EZR: variants seen among roughly 807,000 people sequenced by gnomAD.
EZR encodes the protein cytovillin 2.
EZR carries 40 observed loss-of-function variants against 74.8 expected under a neutral mutation model. The ratio of observed to expected loss-of-function variants is 0.53; its 90% CI spans 0.42 to 0.70. The LOEUF is 0.70. Among genes scored for constraint, EZR ranks in the 30% least tolerant of loss-of-function variants. The pLI is 0.00. For missense variants in EZR, 678 were observed against 755.8 expected, an observed-to-expected ratio of 0.90 and a Z score of 1.21; for synonymous variants, 341 against 283.3, an observed-to-expected ratio of 1.20 and a Z score of -2.05.
intron 2 of EZR, among the ~76,000 whole-genome samples, chr6:158,802,123 CCTT>C (rs74375307): frequency 0.11 from 16,837 of 152,222 alleles, 943 homozygotes; most frequent in Middle Eastern, 0.15. Flanking sequence ...CCCACCCATT[CCTT>C]CTTGCCAGGT....
At chr6:158,804,077 G>T (rs1164050160) in intron 2 of EZR, among the ~76,000 whole-genome samples, 1 of 152,124 alleles carries the variant, frequency 6.6e-6, no homozygotes, top group Non-Finnish European at 1.5e-5. Flanking sequence ...GCACTGCCGA[G>T]TAACACTGAT....
Position 158,766,599 on chromosome 6 carries a change from A to G in EZR, c.*315T>C. 3.3e-6 allele frequency: 1 copy of G among 307,578 alleles called. No individual in the cohort carries two copies. The highest frequency in any genetic ancestry group is 6.0e-6 in the Non-Finnish European group (1 of 167,420). The allele number at this position is 307,578 out of a possible 1,614,324, so 19.1% of individuals were successfully genotyped here. A position where few individuals can be genotyped will look rare whatever the true frequency, so the allele number is the denominator to read the frequency against. ...AATGATGCTGACTCTTGTATCACAC[A>G]GGCCAGCATGAAGTTTCTTACTCAG... On this transcript the variant is annotated 3_prime_UTR_variant, in exon 14 of 14. Transcript: ENST00000367075.
chr6:158,771,823 A>C (rs1041510086), intron 8 of EZR, among the ~76,000 whole-genome samples: 19 of 152,266 alleles, frequency 1.2e-4, no homozygotes, highest in African/African-American at 3.9e-4. Context: ...GCCACCTTTC[A>C]TGATGTCCTC....
intron 2 of EZR, among the ~76,000 whole-genome samples, chr6:158,792,056 T>A (rs1424923972): frequency 6.6e-6 from 1 of 152,028 alleles, no homozygotes; most frequent in Non-Finnish European, 1.5e-5. Flanking sequence ...GAAGACAGTG[T>A]GAAAATGACA....
intron 2 of EZR, among the ~76,000 whole-genome samples, chr6:158,811,507 T>C: frequency 6.6e-6 from 1 of 152,342 alleles, no homozygotes; most frequent in East Asian, 1.9e-4. Context: ...AAAAAAATTA[T>C]AGTTCACTAA....
rs559028002 is a variant in EZR, at chr6:158,817,880, G to A, written c.12+202C>T. 20 of 453,566 alleles carry A rather than the reference G, an allele frequency of 4.4e-5. No homozygotes were observed. In the East Asian group the frequency reaches 4.6e-4, roughly 10 times the overall value. The allele number at this position is 453,566 out of a possible 1,614,324, so 28.1% of individuals were successfully genotyped here. A position where few individuals can be genotyped will look rare whatever the true frequency, so the allele number is the denominator to read the frequency against. ...ACAAAGAAAAAGACTGCAGAGAAAAGCATCAAAATGGTGTTTTCCTAACGC... is the reference window on the plus strand; with the variant it reads ...ACAAAGAAAAAGACTGCAGAGAAAAACATCAAAATGGTGTTTTCCTAACGC... On this transcript the variant is annotated intron_variant, in intron 2 of 13. Transcript: ENST00000367075.
intron 2 of EZR, among the ~76,000 whole-genome samples, chr6:158,809,490 A>T (rs914139500): frequency 6.6e-6 from 1 of 152,244 alleles, no homozygotes; most frequent in Non-Finnish European, 1.5e-5. Context: ...CACTTTCTCT[A>T]CACAAAGACC....
intron 2 of EZR, among the ~76,000 whole-genome samples, chr6:158,790,703 CACA>C (rs997259620): frequency 1.3e-5 from 2 of 151,954 alleles, no homozygotes; most frequent in Non-Finnish European, 2.9e-5. Flanking sequence ...AACCCACCAC[CACA>C]ACAACAAAAC....
In EZR at chr6:158,766,529, A is replaced by G. The variant is rs1378465026; in HGVS notation, c.*385T>C. On this transcript the variant is annotated 3_prime_UTR_variant, in exon 14 of 14. Transcript: ENST00000367075. ...AAATCAATTTGAGCTCATTTCGAAT[A>G]CAGAACAAGTATGGCACAGATGGAA... 1.1e-5 allele frequency: 2 copies of G among 180,078 alleles called. No individual in the cohort carries two copies. Among genetic ancestry groups the G allele is most frequent in the Non-Finnish European group, 2.3e-5 (2 of 86,956 alleles). The allele number at this position is 180,078 out of a possible 1,614,324, so 11.2% of individuals were successfully genotyped here.
chr6:158,779,608 G>A (rs1448468484), intron 7 of EZR, among the ~76,000 whole-genome samples: 4 of 152,096 alleles, frequency 2.6e-5, no homozygotes, highest in Non-Finnish European at 4.4e-5. Context: ...CTGTCACCCA[G>A]GCTAGAGTGC....
intron 3 of EZR, among the ~76,000 whole-genome samples, chr6:158,787,855 C>G (rs978544648): frequency 6.6e-6 from 1 of 152,188 alleles, no homozygotes; most frequent in Non-Finnish European, 1.5e-5. Flanking sequence ...AAGGTAGAAT[C>G]CCGACCCTAG....
At chr6:158,791,706 A>ATTTTTTTTTTTTTTTTTTTTT (rs57581855) in intron 2 of EZR, among the ~76,000 whole-genome samples, 1 of 96,262 alleles carries the variant, frequency 1.0e-5, no homozygotes, top group Admixed American at 1.2e-4. Flanking sequence ...TTCAGACTCC[A>ATTTTTTTTTTTTTTTTTTTTT]TTTTTTTTTT....
At chr6:158,818,658 G>A (rs1022881519) in intron 1 of EZR, among the ~76,000 whole-genome samples, 5 of 151,346 alleles carry the variant, frequency 3.3e-5, no homozygotes, top group African/African-American at 7.3e-5. Context: ...CCAGCGGAGA[G>A]AGGCGGAGAA....
At position 158,767,015 on chromosome 6, in the gene EZR, G is replaced by A; in HGVS notation, c.1660C>T (p.His554Tyr). ...CGGCCTTGCCTCATGTTCTCGTTGT[G>A]GATGATGTCATTGTGGGTCCTCTTA... ...ENKRTHNDIIHNENMRQGRDK... is the reference protein window; with the variant it reads ...ENKRTHNDIIYNENMRQGRDK... The change falls in exon 14 of 14, where the codon CAC (histidine) becomes TAC (tyrosine). Residue 554 changes from histidine to tyrosine, a missense_variant. Transcript: ENST00000367075. The A allele has an allele frequency of 1.9e-6, 3 of 1,614,186 alleles. No individual in the cohort carries two copies. The highest frequency in any genetic ancestry group is 2.5e-6 in the Non-Finnish European group (3 of 1,180,028).
intron 4 of EZR, 92 bp from the exon 5 acceptor site, chr6:158,785,675 C>T (rs1791561394): frequency 6.8e-7 from 1 of 1,470,164 alleles, no homozygotes; most frequent in Non-Finnish European, 9.3e-7. Flanking sequence ...TCAATGGGGC[C>T]CTCAAGCCAG....
intron 2 of EZR, among the ~76,000 whole-genome samples, chr6:158,814,204 G>C (rs1468014657): frequency 6.6e-6 from 1 of 152,128 alleles, no homozygotes; most frequent in Non-Finnish European, 1.5e-5. Context: ...CATGAATAGA[G>C]TCCCTAAGCA....
In EZR at chr6:158,787,156, G is replaced by A. The variant is rs780370912; in HGVS notation, c.144C>T (p.His48=). ...TAGGAAATCCTTTATTATCCACATA[G>A]TGGAGGCCAAAGTACCACACTTCCC... ...GLREVWYFGL[H]YVDNKGFPTW... is the part of the protein sequence containing the mutation. Residue 48 remains histidine, a synonymous_variant, in exon 4 of 14, where the codon CAC becomes CAT. Transcript: ENST00000367075. 1.2e-6 allele frequency: 2 copies of A among 1,613,624 alleles called. No individual in the cohort carries two copies. Among genetic ancestry groups the A allele is most frequent in the Admixed American group, 1.7e-5 (1 of 59,998 alleles).
At chr6:158,787,266 T>G in intron 3 of EZR, 63 bp from the exon 4 acceptor site, 2 of 1,402,340 alleles carry the variant, frequency 1.4e-6, no homozygotes, top group Non-Finnish European at 2.0e-6. Context: ...CAACAGCTTT[T>G]GGCTGTCGTT....
At position 158,803,675 on chromosome 6, in the gene EZR, CAG is replaced by C. The variant is rs201883540; in HGVS notation, c.13-14306_13-14305del. Among the ~76,000 whole-genome samples, 783 of 130,934 alleles carry C rather than the reference CAG, an allele frequency of 6.0e-3. 25 individuals carry two copies. The highest frequency in any genetic ancestry group is 0.017 in the African/African-American group (584 of 34,620). The allele number at this position is 130,934 out of a possible 152,430, so 85.9% of individuals were successfully genotyped here. A position where few individuals can be genotyped will look rare whatever the true frequency, so the allele number is the denominator to read the frequency against. ...TATACATATATATATATAAAATATACAGAGAGAGTCCAGAATAATAGCCACCC... is the reference window on the plus strand; with the variant it reads ...TATACATATATATATATAAAATATACAGAGAGTCCAGAATAATAGCCACCC... On this transcript the variant is annotated intron_variant, in intron 2 of 13. Coordinates refer to ENST00000367075, the MANE Select transcript of EZR (RefSeq NM_001111077.2).
Sources: allele counts gnomAD v4.1 joint callset (sites outside exome capture counted in the v4.1 genomes callset), GRCh38; gene constraint gnomAD v4.1.1; transcripts MANE v1.5; gene names NCBI Gene and HGNC (gene_info 2026-07-23, HGNC 2026-07-21).